Variants in KIAA1549L observed in about 807,000 individuals in gnomAD.
The protein encoded by KIAA1549L is UPF0606 protein KIAA1549L.
A neutral mutation model predicts 160.7 loss-of-function variants in KIAA1549L; 88 were observed. The observed-to-expected ratio is 0.55, with a 90% CI of 0.46 to 0.65. The LOEUF is 0.65. Among genes scored for constraint, KIAA1549L ranks in the 30% least tolerant of loss-of-function variants. The pLI, the probability that KIAA1549L is intolerant of heterozygous loss-of-function variation, is 0.00. For missense variants in KIAA1549L, 2,258 were observed against 2,437.5 expected (o/e 0.93, Z 1.55); for synonymous variants, 950 against 976.7 (o/e 0.97, Z 0.51).
chr11:33,538,382 G>C (rs922577201), intron 1 of KIAA1549L, among the ~76,000 whole-genome samples: 15 of 152,192 alleles, frequency 9.9e-5, no homozygotes, highest in African/African-American at 3.4e-4. Context: ...CCTCACTCCA[G>C]TGTGCAAATG....
intron 1 of KIAA1549L, among the ~76,000 whole-genome samples, chr11:33,491,583 T>C (rs968452638): frequency 7.9e-5 from 12 of 152,204 alleles, no homozygotes; most frequent in African/African-American, 2.9e-4. Context: ...TGGAAGTACT[T>C]TTGAAGCCCA....
At chr11:33,485,998 C>T (rs942244052) in intron 1 of KIAA1549L, among the ~76,000 whole-genome samples, 2 of 152,052 alleles carry the variant, frequency 1.3e-5, no homozygotes, top group African/African-American at 2.4e-5. Flanking sequence ...GTATATATTC[C>T]GCATTTCCTT....
At chr11:33,424,198 T>G (rs1851073562) in intron 1 of KIAA1549L, among the ~76,000 whole-genome samples, 1 of 152,180 alleles carries the variant, frequency 6.6e-6, no homozygotes, top group Admixed American at 6.5e-5. Flanking sequence ...AACGTTTTTT[T>G]GTGATGCTCA....
chr11:33,466,003 A>G (rs1367627423), intron 1 of KIAA1549L, among the ~76,000 whole-genome samples: 1 of 152,244 alleles, frequency 6.6e-6, no homozygotes, highest in Admixed American at 6.5e-5. Context: ...CTACTTGTTA[A>G]TCACAACATG....
intron 17 of KIAA1549L, 137 bp downstream of exon 17, chr11:33,646,173 A>G (rs1233448234): frequency 2.9e-6 from 2 of 679,636 alleles, no homozygotes; most frequent in Non-Finnish European, 5.0e-6. Context: ...CCCTCATCCC[A>G]TCATCCCATC....
At chr11:33,486,256 T>C (rs1852523955) in intron 1 of KIAA1549L, among the ~76,000 whole-genome samples, 1 of 152,184 alleles carries the variant, frequency 6.6e-6, no homozygotes, top group Non-Finnish European at 1.5e-5. Context: ...AGAATGTAAG[T>C]TAGTACAGCC....
chr11:33,435,866 A>T (rs1851368320), intron 1 of KIAA1549L, among the ~76,000 whole-genome samples: 1 of 127,450 alleles, frequency 7.8e-6, no homozygotes, highest in Non-Finnish European at 1.6e-5. Flanking sequence ...GTGTGTGTAT[A>T]AAATATTAGA....
Position 33,435,804 on chromosome 11 carries a change from A to ATGTG in KIAA1549L, c.238+58916_238+58917insGTGT, listed in dbSNP as rs1224054996. ...TATATATATATATATATATATATAT[A>ATGTG]TATATATGTGTGTGTATATATATAT... On this transcript the variant is annotated intron_variant, in intron 1 of 20. Transcript: ENST00000658780. Among the ~76,000 whole-genome samples, 169 of 17,134 alleles carry ATGTG rather than the reference A, an allele frequency of 9.9e-3. 21 individuals carry two copies. The highest frequency in any genetic ancestry group is 0.053 in the African/African-American group (164 of 3,098). The allele number at this position is 17,134 out of a possible 152,430, so 11.2% of individuals were successfully genotyped here.
chr11:33,406,703 A>G (rs1850661180), intron 1 of KIAA1549L, among the ~76,000 whole-genome samples: 1 of 152,236 alleles, frequency 6.6e-6, no homozygotes, highest in Non-Finnish European at 1.5e-5. Flanking sequence ...CCTCAAAGGG[A>G]TCAGCGCTCA....
intron 20 of KIAA1549L, chr11:33,665,457 T>A (rs998125490): frequency 6.6e-6 from 1 of 152,326 alleles, no homozygotes; most frequent in Non-Finnish European, 1.5e-5. Flanking sequence ...CATCTCTGCA[T>A]GTCTCTGAAG....
chr11:33,437,501 C>T (rs1216127007), intron 1 of KIAA1549L, among the ~76,000 whole-genome samples: 1 of 152,158 alleles, frequency 6.6e-6, no homozygotes, highest in Non-Finnish European at 1.5e-5. Flanking sequence ...CTTGGCTCTG[C>T]CACTTTTGAG....
chr11:33,472,093 T>C (rs530470408), intron 1 of KIAA1549L, among the ~76,000 whole-genome samples: 2 of 152,072 alleles, frequency 1.3e-5, no homozygotes, highest in East Asian at 3.9e-4. Flanking sequence ...GGTGCCTCTT[T>C]CTTCCTTCCT....
chr11:33,539,527 A>G (rs918844582), intron 1 of KIAA1549L, among the ~76,000 whole-genome samples: 19 of 152,348 alleles, frequency 1.2e-4, no homozygotes, highest in African/African-American at 4.3e-4. Flanking sequence ...AGCAGAGTCC[A>G]TAGGGGATGC....
chr11:33,400,124 C>A (rs559026601), intron 1 of KIAA1549L, among the ~76,000 whole-genome samples: 1 of 152,146 alleles, frequency 6.6e-6, no homozygotes, highest in Non-Finnish European at 1.5e-5. Flanking sequence ...TGACCTTTCA[C>A]GTACAGCACA....
intron 1 of KIAA1549L, among the ~76,000 whole-genome samples, chr11:33,449,782 T>C (rs1851683301): frequency 2.0e-5 from 3 of 152,160 alleles, no homozygotes; most frequent in African/African-American, 7.2e-5. Context: ...TCATGTGACA[T>C]GTCAGATGAA....
In KIAA1549L at chr11:33,673,311, CTT is replaced by C. The variant is rs1372534211; in HGVS notation, c.*5160_*5161del. The C allele has an allele frequency of 6.6e-6, 1 of 152,148 alleles. No homozygotes were observed. The highest frequency in any genetic ancestry group is 2.4e-5 in the African/African-American group (1 of 41,420). The allele number at this position is 152,148 out of a possible 1,614,324, so 9.4% of individuals were successfully genotyped here. Reference sequence around the variant, plus strand: ...TTTTCATTCTCTGACTTTGGTCAGACTTTTGCAAATTATGGAGAGAGGCCATC... The same window carrying C: ...TTTTCATTCTCTGACTTTGGTCAGACTTGCAAATTATGGAGAGAGGCCATC... On this transcript the variant is annotated 3_prime_UTR_variant, in exon 21 of 21. Coordinates refer to ENST00000658780, the MANE Select transcript of KIAA1549L (RefSeq NM_012194.3).
chr11:33,522,901 A>T (rs1030401099), intron 1 of KIAA1549L, among the ~76,000 whole-genome samples: 7 of 14,542 alleles, frequency 4.8e-4, no homozygotes, highest in African/African-American at 3.9e-3. Context: ...TCTCTCTCTC[A>T]AAAAAAAAAA....
chr11:33,377,772 C>A (rs1849986364), intron 1 of KIAA1549L, among the ~76,000 whole-genome samples: 4 of 152,194 alleles, frequency 2.6e-5, no homozygotes, highest in Admixed American at 2.6e-4. Flanking sequence ...GGACTAATGA[C>A]TTCTTCTTTC....
chr11:33,508,232 G>A (rs889334793), intron 1 of KIAA1549L, among the ~76,000 whole-genome samples: 7 of 152,190 alleles, frequency 4.6e-5, no homozygotes, highest in African/African-American at 1.2e-4. Flanking sequence ...CAGCCTCATC[G>A]TGCTAGAAGG....
Sources: gnomAD v4.1 joint callset for allele counts (sites outside exome capture counted in the v4.1 genomes callset) on GRCh38, gnomAD v4.1.1 for gene constraint, MANE v1.5 for transcripts, NCBI Gene and HGNC (gene_info 2026-07-23, HGNC 2026-07-21) for gene names.